The following LYAR variants were observed in gnomAD, a reference collection of about 807,000 sequenced individuals.
The protein encoded by LYAR is cell growth-regulating nucleolar protein.
A neutral mutation model predicts 45.2 loss-of-function variants in LYAR; 37 were observed. The observed-to-expected ratio is 0.82, with a 90% CI of 0.63 to 1.08. The LOEUF (loss-of-function observed/expected upper bound fraction) is 1.08. Ranked by LOEUF, LYAR falls within the 50% of genes least tolerant of loss-of-function variation. The probability of loss-of-function intolerance (pLI) is 0.00; values close to 1 mark genes in which losing one functional copy is unlikely to be tolerated. For missense variants in LYAR, 493 were observed against 451.0 expected (o/e 1.09, Z -0.84); for synonymous variants, 176 against 155.1 (o/e 1.14, Z -1.00).
At chr4:4,276,653 T>C (rs528952272) in intron 6 of LYAR, among the ~76,000 whole-genome samples, 2 of 152,064 alleles carry the variant, frequency 1.3e-5, no homozygotes, top group South Asian at 4.2e-4. Flanking sequence ...GGTCAGGAGT[T>C]TGAGACCAGC....
intron 2 of LYAR, 137 bp downstream of exon 2, chr4:4,286,382 C>T (rs771435676): frequency 1.9e-4 from 29 of 152,200 alleles, no homozygotes; most frequent in Admixed American, 3.9e-4. Context: ...CAGGGTGTCC[C>T]AGGTCTTAGT....
At chr4:4,287,982 C>A (rs1230621221) in intron 1 of LYAR, among the ~76,000 whole-genome samples, 1 of 152,204 alleles carries the variant, frequency 6.6e-6, no homozygotes, top group Non-Finnish European at 1.5e-5. Flanking sequence ...TTAGTCTTCT[C>A]TTAACAAGAT....
At chr4:4,285,049 A>C (rs1237790701) in intron 2 of LYAR, among the ~76,000 whole-genome samples, 1 of 152,176 alleles carries the variant, frequency 6.6e-6, no homozygotes, top group Non-Finnish European at 1.5e-5. Context: ...TTGAATGGAA[A>C]TGTACATCCT....
intron 9 of LYAR, among the ~76,000 whole-genome samples, chr4:4,268,234 AG>A (rs1334338414): frequency 6.6e-6 from 1 of 152,232 alleles, no homozygotes; most frequent in Non-Finnish European, 1.5e-5. Flanking sequence ...AGTGAAATAA[AG>A]GAGAAGAAAC....
At position 4,274,893 on chromosome 4, in the gene LYAR, G is replaced by A. The variant is rs1010324926; in HGVS notation, c.430-124C>T. On this transcript the variant is annotated intron_variant, in intron 6 of 9. Transcript: ENST00000343470. ...AAAACGGTTGGTTTAATCCCTTATCGTTTTATAACTGTGACCCCCACCAAC... is the reference window on the plus strand; with the variant it reads ...AAAACGGTTGGTTTAATCCCTTATCATTTTATAACTGTGACCCCCACCAAC... 20 of 883,840 alleles carry A rather than the reference G, an allele frequency of 2.3e-5. No individual in the cohort carries two copies. The Middle Eastern group carries it at 8.4e-4, about 37-fold the overall frequency. 54.7% of individuals were successfully genotyped at this position (883,840 alleles called of 1,614,324 possible). A position where few individuals can be genotyped will look rare whatever the true frequency, so the allele number is the denominator to read the frequency against.
chr4:4,274,389 C>A lies in LYAR; in HGVS notation c.810G>T (p.Lys270Asn). Residue 270 changes from lysine (K) to asparagine (N), a missense_variant, in exon 7 of 10, where the codon AAG (lysine) becomes AAT (asparagine). Lys to Asn is a moderately conservative substitution (Grantham distance 94). Transcript: ENST00000343470. ...SEEEARVGAG[K>N]RKRRHSEVET... is the part of the protein sequence containing the mutation. ...TACCTTCCGAGTGCCTCCGCTTCCT[C>A]TTCCCTGCGCCCACGCGTGCCTCTT... is the stretch of plus-strand genomic sequence containing the variant. 1 of 1,611,820 alleles carries A rather than the reference C, an allele frequency of 6.2e-7. No individual in the cohort carries two copies. The highest frequency in any genetic ancestry group is 8.5e-7 in the Non-Finnish European group (1 of 1,178,630).
chr4:4,275,103 T>A (rs1272737741), intron 6 of LYAR, among the ~76,000 whole-genome samples: 2 of 151,948 alleles, frequency 1.3e-5, no homozygotes, highest in Non-Finnish European at 2.9e-5. Context: ...TACTTAGGGG[T>A]GGTAGAAACC....
chr4:4,276,139 T>C (rs1017728422), intron 6 of LYAR, among the ~76,000 whole-genome samples: 1 of 152,152 alleles, frequency 6.6e-6, no homozygotes, highest in African/African-American at 2.4e-5. Context: ...TGTTCCATGT[T>C]CCCTGATGCC....
At chr4:4,270,703 CA>C (rs1190746925) in intron 8 of LYAR, among the ~76,000 whole-genome samples, 1 of 152,066 alleles carries the variant, frequency 6.6e-6, no homozygotes, top group African/African-American at 2.4e-5. Flanking sequence ...TCATTAGGGC[CA>C]CACAAATTCA....
intron 6 of LYAR, among the ~76,000 whole-genome samples, chr4:4,279,021 G>C (rs1049216068): frequency 2.6e-5 from 4 of 152,116 alleles, no homozygotes; most frequent in African/African-American, 9.7e-5. Flanking sequence ...GGCACTAAGA[G>C]GTTCTCTAAA....
intron 9 of LYAR, 92 bp downstream of exon 9, chr4:4,268,438 T>C: frequency 1.1e-6 from 1 of 871,894 alleles, no homozygotes. Context: ...TTTTCAGTGT[T>C]TTAGGTGAAA....
At position 4,268,595 on chromosome 4, in the gene LYAR, T is replaced by A. The variant is rs1031890733; in HGVS notation, c.940A>T (p.Thr314Ser). ...PAKGKFNWKG[T>S]IKAILKQAPD... ...GCCTGTTTCAGAATTGCTTTAATAG[T>A]TCCCTTCCAGTTGAATTTACCTACA... The change falls in exon 9 of 10, where the codon ACT becomes TCT. Residue 314 changes from threonine to serine, a missense_variant. Thr to Ser is a moderately conservative substitution (Grantham distance 58). Coordinates refer to ENST00000343470, the MANE Select transcript of LYAR (RefSeq NM_017816.3). 2.4e-5 allele frequency: 38 copies of A among 1,606,570 alleles called. No individual in the cohort carries two copies. The highest frequency in any genetic ancestry group is 3.1e-5 in the Non-Finnish European group (36 of 1,174,624).
intron 6 of LYAR, among the ~76,000 whole-genome samples, chr4:4,278,044 G>GA (rs1273812401): frequency 1.3e-5 from 2 of 152,118 alleles, no homozygotes; most frequent in Admixed American, 1.3e-4. Flanking sequence ...AGGGAAACTG[G>GA]AAAAAACTTT....
intron 4 of LYAR, among the ~76,000 whole-genome samples, chr4:4,281,486 A>AT (rs148308196): frequency 0.42 from 64,084 of 151,670 alleles, 15,350 homozygotes; most frequent in Middle Eastern, 0.58. Flanking sequence ...TGCCCGGCTA[A>AT]TTTTTTGTAT....
At chr4:4,280,448 CA>C (rs1222664085) in intron 4 of LYAR, among the ~76,000 whole-genome samples, 5 of 152,136 alleles carry the variant, frequency 3.3e-5, no homozygotes, top group Admixed American at 2.0e-4. Context: ...CAGGGAATCT[CA>C]AAAGATACCA....
At chr4:4,271,934 A>G (rs1354175817) in intron 8 of LYAR, among the ~76,000 whole-genome samples, 1 of 152,248 alleles carries the variant, frequency 6.6e-6, no homozygotes, top group Non-Finnish European at 1.5e-5. Flanking sequence ...TCAGTTCAGC[A>G]ACCTGGGTGA....
At chr4:4,273,481 T>G in intron 8 of LYAR, 102 bp downstream of exon 8, 1 of 763,230 alleles carries the variant, frequency 1.3e-6, no homozygotes, top group Non-Finnish European at 2.2e-6. Flanking sequence ...CTCACACTCC[T>G]GAGCTCAAGT....
chr4:4,270,007 C>T (rs1021501373), intron 8 of LYAR, among the ~76,000 whole-genome samples: 1 of 151,900 alleles, frequency 6.6e-6, no homozygotes, highest in Admixed American at 6.6e-5. Context: ...TTGCTTGAGC[C>T]CAGGAGTTCA....
chr4:4,282,136 C>T (rs1719419542), intron 3 of LYAR, among the ~76,000 whole-genome samples: 1 of 152,168 alleles, frequency 6.6e-6, no homozygotes, highest in South Asian at 2.1e-4. Context: ...TTTTTATAAA[C>T]ACCTTAAGCT....
Sources: allele counts gnomAD v4.1 joint callset (sites outside exome capture counted in the v4.1 genomes callset), GRCh38; gene constraint gnomAD v4.1.1; transcripts MANE v1.5; gene names NCBI Gene and HGNC (gene_info 2026-07-23, HGNC 2026-07-21).